Variants in CD109 observed in about 807,000 individuals in gnomAD.
CD109 encodes CD109 molecule.
CD109 carries 149 observed loss-of-function variants against 165.8 expected under a neutral mutation model. That is an observed-to-expected ratio of 0.90 (90% CI 0.79 to 1.03). The LOEUF is 1.03. Ranked by LOEUF, CD109 falls within the 50% of genes least tolerant of loss-of-function variation. The pLI is 0.00. For missense variants in CD109, 1,712 were observed against 1,677.8 expected (o/e 1.02, Z -0.36); for synonymous variants, 585 against 592.1 (o/e 0.99, Z 0.18).
In CD109 at chr6:73,792,727, A is replaced by G. The variant is rs149958934; in HGVS notation, c.2803A>G (p.Ile935Val). The part of the protein sequence containing the change: ...NMINFAPNIY[I>V]LDYLTKKKQL... The stretch of plus-strand genomic sequence containing the variant: ...GATAAATTTTGCTCCAAATATTTAC[A>G]TTTTGGATTATCTGACTAAAAAGAA... Residue 935 changes from isoleucine to valine, a missense_variant, in exon 23 of 33, where the codon ATT (isoleucine) becomes GTT (valine). Coordinates refer to ENST00000287097, the MANE Select transcript of CD109 (RefSeq NM_133493.5). 7 of 1,611,886 alleles carry G rather than the reference A, an allele frequency of 4.3e-6. No homozygotes were observed. Among genetic ancestry groups the G allele is most frequent in the Non-Finnish European group, 5.9e-6 (7 of 1,179,054 alleles).
At chr6:73,702,061 C>G (rs1771104596) in intron 2 of CD109, among the ~76,000 whole-genome samples, 2 of 152,178 alleles carry the variant, frequency 1.3e-5, no homozygotes, top group South Asian at 4.1e-4. Context: ...TGCTGCCAAT[C>G]CTACTTCCAT....
At chr6:73,815,864 A>C (rs529055809) in intron 30 of CD109, among the ~76,000 whole-genome samples, 1 of 152,116 alleles carries the variant, frequency 6.6e-6, no homozygotes, top group African/African-American at 2.4e-5. Context: ...TCATGAATCT[A>C]TTCTCTTACA....
chr6:73,811,734 G>A (rs1304340941), intron 28 of CD109, among the ~76,000 whole-genome samples: 1 of 152,106 alleles, frequency 6.6e-6, no homozygotes, highest in Non-Finnish European at 1.5e-5. Flanking sequence ...TTTTGTGGGA[G>A]GTTAAGTACA....
At chr6:73,695,776 C>G (rs142824304), upstream of CD109, 21 of 200,298 alleles carry the variant, frequency 1.0e-4, no homozygotes, top group East Asian at 3.8e-3. Context: ...TGACTTTTTT[C>G]CACTTCACAT....
rs755049367 is a variant in CD109, at chr6:73,766,115, A to G, written c.1293A>G (p.Glu431=). ...TVPQSGTFKI[E]FPILEDSSEL... is the part of the protein sequence containing the mutation. ...CCCAAAGTGGAACTTTTAAGATTGAATTCCCAATCCTGGAGGATTCCAGTG... is the reference window on the plus strand; with the variant it reads ...CCCAAAGTGGAACTTTTAAGATTGAGTTCCCAATCCTGGAGGATTCCAGTG... The change falls in exon 11 of 33, where the codon GAA becomes GAG. Residue 431 remains glutamate, a synonymous_variant. Coordinates refer to ENST00000287097, the MANE Select transcript of CD109 (RefSeq NM_133493.5). 3.1e-6 allele frequency: 5 copies of G among 1,614,100 alleles called. No homozygotes were observed. The Admixed American group carries it at 8.3e-5, about 27-fold the overall frequency.
chr6:73,808,501 G>A (rs1167355376), intron 26 of CD109, among the ~76,000 whole-genome samples: 1 of 152,016 alleles, frequency 6.6e-6, no homozygotes. Flanking sequence ...TACCCTTTGA[G>A]TGTCTGATAC....
chr6:73,807,414 C>T (rs547558319), intron 25 of CD109, among the ~76,000 whole-genome samples: 17 of 152,224 alleles, frequency 1.1e-4, no homozygotes, highest in East Asian at 7.7e-4. Context: ...TGTGTTCTAG[C>T]AAGTTTAGAT....
chr6:73,762,973 T>A, intron 9 of CD109, 91 bp downstream of exon 9: 1 of 1,111,334 alleles, frequency 9.0e-7, no homozygotes, highest in Middle Eastern at 2.1e-4. Flanking sequence ...TTTGGGAGCA[T>A]CATTGACTTT....
chr6:73,778,024 A>G (rs1315808715), intron 15 of CD109, among the ~76,000 whole-genome samples: 2 of 152,216 alleles, frequency 1.3e-5, no homozygotes, highest in Non-Finnish European at 2.9e-5. Flanking sequence ...AACAATATTG[A>G]TTCTTCCTAT....
At chr6:73,812,080 A>G (rs1446023361) in intron 28 of CD109, 125 bp from the exon 29 acceptor site, 2 of 610,176 alleles carry the variant, frequency 3.3e-6, no homozygotes, top group East Asian at 5.5e-5. Context: ...AGACAGTGCA[A>G]AGCTCTTAGT....
At chr6:73,748,031 G>A (rs199606437) in intron 5 of CD109, among the ~76,000 whole-genome samples, 4 of 151,702 alleles carry the variant, frequency 2.6e-5, no homozygotes, top group East Asian at 1.9e-4. Flanking sequence ...CACCATGCCC[G>A]GCTAATTTTT....
At chr6:73,688,769 T>G in the CD109 span, among the ~76,000 whole-genome samples, 72 of 117,038 alleles carry the variant, frequency 6.2e-4, no homozygotes, top group African/African-American at 2.9e-3. Context: ...TTGTTTTTTT[T>G]TTTTTTTTTT....
intron 2 of CD109, among the ~76,000 whole-genome samples, chr6:73,710,831 C>A (rs933407895): frequency 2.0e-5 from 3 of 152,152 alleles, no homozygotes; most frequent in Non-Finnish European, 4.4e-5. Flanking sequence ...TTTTGCCAAC[C>A]TTCAGGTCTT....
Position 73,820,495 on chromosome 6 carries a change from C to T in CD109, c.4094C>T (p.Ala1365Val), listed in dbSNP as rs1054895368. ...ACCCAGTTTTGTGTTAATATTCCTGCTGTGAGAAACTTTAAAGTTTCAAAT... is the reference window on the plus strand; with the variant it reads ...ACCCAGTTTTGTGTTAATATTCCTGTTGTGAGAAACTTTAAAGTTTCAAAT... ...NETQFCVNIPAVRNFKVSNTQ... is the reference protein window; with the variant it reads ...NETQFCVNIPVVRNFKVSNTQ... The change falls in exon 32 of 33, where the codon GCT becomes GTT. Residue 1365 changes from alanine (A) to valine (V), a missense_variant. Physicochemically the swap from Ala to Val is moderately conservative, Grantham distance 64. Transcript: ENST00000287097. 25 of 1,611,682 alleles carry T rather than the reference C, an allele frequency of 1.6e-5. No homozygotes were observed. The highest frequency in any genetic ancestry group is 2.0e-5 in the Non-Finnish European group (24 of 1,178,504).
rs2150253066 is a variant in CD109, at chr6:73,783,271, A to G, written c.2106-436A>G. On this transcript the variant is annotated intron_variant, in intron 18 of 32. Transcript: ENST00000287097. ...AATCATGAAATCCACATAGTATTTT[A>G]TAGTCAGCTGTTTAAAGATACTTGA... Among the ~76,000 whole-genome samples the G allele has an allele frequency of 1.3e-5, 2 of 152,364 alleles. 1 individual carries two copies. The highest frequency in any genetic ancestry group is 3.9e-4 in the East Asian group (2 of 5,194).
Position 73,823,827 on chromosome 6 carries a change from G to C in CD109, c.*194G>C, listed in dbSNP as rs1412994089. Reference sequence around the variant, plus strand: ...TTCTTCACCTGATCTTTGTGTGGAAGATCAGAATGAATGCAGTTGTGTGTC... The same window carrying C: ...TTCTTCACCTGATCTTTGTGTGGAACATCAGAATGAATGCAGTTGTGTGTC... On this transcript the variant is annotated 3_prime_UTR_variant, in exon 33 of 33. Coordinates refer to ENST00000287097, the MANE Select transcript of CD109 (RefSeq NM_133493.5). 1 of 442,886 alleles carries C rather than the reference G, an allele frequency of 2.3e-6. No individual in the cohort carries two copies. Among genetic ancestry groups the C allele is most frequent in the Non-Finnish European group, 4.0e-6 (1 of 249,242 alleles). 27.4% of individuals were successfully genotyped at this position (442,886 alleles called of 1,614,324 possible). A position where few individuals can be genotyped will look rare whatever the true frequency, so the allele number is the denominator to read the frequency against.
In CD109 at chr6:73,760,951, G is replaced by T. The variant is rs557631695; in HGVS notation, c.759-1433G>T. On this transcript the variant is annotated intron_variant, in intron 7 of 32. Transcript: ENST00000287097. ...AATCTCTTGAACCCCTGAGGTGGAG[G>T]TTGCAGTGAGCCGAGATCATGCCAC... Among the ~76,000 whole-genome samples the T allele has an allele frequency of 8.3e-4, 125 of 151,266 alleles. 1 individual carries two copies. The Middle Eastern group carries it at 0.024, about 29-fold the overall frequency.
upstream of CD109, among the ~76,000 whole-genome samples, chr6:73,693,418 T>A (rs1770722167): frequency 1.3e-5 from 2 of 152,286 alleles, no homozygotes; most frequent in South Asian, 4.1e-4. Flanking sequence ...TTCATGAGGA[T>A]CCACCCACAG....
Position 73,823,699 on chromosome 6 carries a change from C to T in CD109, c.*66C>T, listed in dbSNP as rs1027810345. The T allele has an allele frequency of 9.2e-6, 13 of 1,419,888 alleles. No individual in the cohort carries two copies. The highest frequency in any genetic ancestry group is 4.6e-5 in the East Asian group (2 of 43,496). 88.0% of individuals were successfully genotyped at this position (1,419,888 alleles called of 1,614,324 possible). A position where few individuals can be genotyped will look rare whatever the true frequency, so the allele number is the denominator to read the frequency against. ...TAGTCACATGTGATTGTTTTGTTTT[C>T]GTAGAAGAATACTGCTTCTATTTTG... On this transcript the variant is annotated 3_prime_UTR_variant, in exon 33 of 33. Transcript: ENST00000287097.
Sources: gnomAD v4.1 joint callset for allele counts (sites outside exome capture counted in the v4.1 genomes callset) on GRCh38, gnomAD v4.1.1 for gene constraint, MANE v1.5 for transcripts, NCBI Gene and HGNC (gene_info 2026-07-23, HGNC 2026-07-21) for gene names.